The following ARHGAP24 variants were observed in gnomAD, a reference collection of about 807,000 sequenced individuals.
The protein encoded by ARHGAP24 is rho GTPase-activating protein 24.
Under a neutral mutation model 76.4 loss-of-function variants are expected in ARHGAP24, and 50 were observed. The ratio of observed to expected loss-of-function variants is 0.65; its 90% CI spans 0.52 to 0.83. The LOEUF (loss-of-function observed/expected upper bound fraction) is 0.83. ARHGAP24 is among the 40% of genes least tolerant of loss of function. The pLI, the probability that ARHGAP24 is intolerant of heterozygous loss-of-function variation, is 0.00. For missense variants in ARHGAP24, 930 were observed against 914.2 expected (o/e 1.02, Z -0.22); for synonymous variants, 345 against 323.3 (o/e 1.07, Z -0.72).
intron 1 of ARHGAP24, among the ~76,000 whole-genome samples, chr4:85,507,499 A>G (rs1724110413): frequency 6.6e-6 from 1 of 152,218 alleles, no homozygotes; most frequent in African/African-American, 2.4e-5. Flanking sequence ...GTATTTGTGA[A>G]TGTCATCAGT....
chr4:85,762,583 A>G (rs547638213), intron 3 of ARHGAP24, among the ~76,000 whole-genome samples: 34 of 152,292 alleles, frequency 2.2e-4, no homozygotes, highest in African/African-American at 7.7e-4. Flanking sequence ...ATGTGTGAGA[A>G]AGATAGCTCT....
At chr4:85,856,222 G>T (rs188627576) in intron 3 of ARHGAP24, among the ~76,000 whole-genome samples, 35 of 151,770 alleles carry the variant, frequency 2.3e-4, no homozygotes, top group African/African-American at 1.9e-4. Context: ...ATGATCTTGG[G>T]TATCTATTTA....
intron 1 of ARHGAP24, among the ~76,000 whole-genome samples, chr4:85,549,557 CTTTGCAAATAT>C (rs1360278799): frequency 6.6e-6 from 1 of 152,036 alleles, no homozygotes; most frequent in African/African-American, 2.4e-5. Context: ...CAGATATATG[CTTTGCAAATAT>C]TTTCTGACAG....
chr4:85,929,438 G>C (rs186679653), intron 4 of ARHGAP24, among the ~76,000 whole-genome samples: 1 of 152,280 alleles, frequency 6.6e-6, no homozygotes, highest in African/African-American at 2.4e-5. Context: ...GTCAGTTGGG[G>C]TTAAGGCACT....
chr4:85,492,298 G>A (rs772833502), intron 1 of ARHGAP24, among the ~76,000 whole-genome samples: 3 of 151,990 alleles, frequency 2.0e-5, no homozygotes, highest in Non-Finnish European at 2.9e-5. Context: ...TATCCTGGTC[G>A]ATATCTTCGT....
chr4:85,633,977 C>T (rs774025418), intron 2 of ARHGAP24, among the ~76,000 whole-genome samples: 3 of 151,766 alleles, frequency 2.0e-5, no homozygotes, highest in African/African-American at 4.8e-5. Flanking sequence ...AGGAACACTC[C>T]CCCTTCAGAA....
chr4:85,554,971 C>T (rs1726299338), intron 1 of ARHGAP24, among the ~76,000 whole-genome samples: 1 of 143,022 alleles, frequency 7.0e-6, no homozygotes, highest in Non-Finnish European at 1.5e-5. Flanking sequence ...TGAGCCACCG[C>T]ACCCAGCCAG....
At chr4:85,759,621 G>T (rs138882329) in intron 3 of ARHGAP24, among the ~76,000 whole-genome samples, 2 of 152,138 alleles carry the variant, frequency 1.3e-5, no homozygotes, top group African/African-American at 2.4e-5. Flanking sequence ...TAGTTTCTCT[G>T]TCTATAGGAC....
intron 2 of ARHGAP24, among the ~76,000 whole-genome samples, chr4:85,610,604 A>G (rs1720350834): frequency 1.3e-5 from 2 of 152,122 alleles, no homozygotes; most frequent in South Asian, 4.1e-4. Context: ...CTATATCAGA[A>G]ATTATCTCAA....
chr4:85,481,256 A>C (rs1722805103), intron 1 of ARHGAP24, among the ~76,000 whole-genome samples: 1 of 152,218 alleles, frequency 6.6e-6, no homozygotes, highest in South Asian at 2.1e-4. Context: ...AGAGGTAAAT[A>C]AAGTTACCCA....
intron 3 of ARHGAP24, among the ~76,000 whole-genome samples, chr4:85,745,910 G>T (rs1007715220): frequency 2.6e-5 from 4 of 152,126 alleles, no homozygotes; most frequent in African/African-American, 9.7e-5. Flanking sequence ...TAGGTACTAT[G>T]ATTCCAAAAC....
At position 85,994,904 on chromosome 4, in the gene ARHGAP24, C is replaced by T. The variant is rs756950646; in HGVS notation, c.1250C>T (p.Pro417Leu). 8.6e-5 allele frequency: 139 copies of T among 1,613,970 alleles called. No homozygotes were observed. Among genetic ancestry groups the T allele is most frequent in the Non-Finnish European group, 6.9e-5 (81 of 1,180,014 alleles). Residue 417 changes from proline (P) to leucine (L), a missense_variant, in exon 9 of 10, where the codon CCT (proline) becomes CTT (leucine). Pro to Leu is a moderately conservative substitution (Grantham distance 98, BLOSUM62 -3). Transcript: ENST00000395184. ...VHKLDVSRSP[P>L]LMVKKNPAFN... ...AAGCTAGATGTGTCTAGAAGCCCCC[C>T]TCTCATGGTCAAAAAGAACCCAGCC... is the stretch of plus-strand genomic sequence containing the variant.
chr4:85,853,877 C>T (rs1414676168), intron 3 of ARHGAP24, among the ~76,000 whole-genome samples: 2 of 151,918 alleles, frequency 1.3e-5, no homozygotes, highest in Non-Finnish European at 2.9e-5. Flanking sequence ...TCACTTGAAC[C>T]TGGGAGGTGG....
intron 1 of ARHGAP24, among the ~76,000 whole-genome samples, chr4:85,527,640 C>T (rs1263013543): frequency 6.6e-6 from 1 of 152,080 alleles, no homozygotes; most frequent in Non-Finnish European, 1.5e-5. Flanking sequence ...CCTTAGTTCT[C>T]TTCCTCTATG....
At chr4:85,984,387 C>T (rs1739861546) in intron 8 of ARHGAP24, among the ~76,000 whole-genome samples, 1 of 152,128 alleles carries the variant, frequency 6.6e-6, no homozygotes, top group Admixed American at 6.6e-5. Flanking sequence ...TGGTGAGGAC[C>T]CATTTCCTGG....
intron 3 of ARHGAP24, chr4:85,827,969 G>T: frequency 7.8e-7 from 1 of 1,289,776 alleles, no homozygotes; most frequent in Non-Finnish European, 1.0e-6. Flanking sequence ...GTGTATGTTT[G>T]TGCAAGGTGA....
intron 1 of ARHGAP24, among the ~76,000 whole-genome samples, chr4:85,542,108 T>A (rs1043782598): frequency 1.3e-5 from 2 of 152,168 alleles, no homozygotes; most frequent in Admixed American, 1.3e-4. Context: ...CATGCGTCAG[T>A]CACCAGTGGC....
chr4:85,997,799 A>G (rs886498977), intron 9 of ARHGAP24, among the ~76,000 whole-genome samples: 9 of 151,194 alleles, frequency 6.0e-5, no homozygotes, highest in Admixed American at 5.9e-4. Context: ...TGGATTACAG[A>G]TGCATGCCAT....
chr4:85,823,215 A>G (rs540217094), intron 3 of ARHGAP24, among the ~76,000 whole-genome samples: 76 of 152,332 alleles, frequency 5.0e-4, no homozygotes, highest in African/African-American at 1.8e-3. Flanking sequence ...CCTAGAGATA[A>G]AAACTATTAA....
Sources: gnomAD v4.1 joint callset for allele counts (sites outside exome capture counted in the v4.1 genomes callset) on GRCh38, gnomAD v4.1.1 for gene constraint, MANE v1.5 for transcripts, NCBI Gene and HGNC (gene_info 2026-07-23, HGNC 2026-07-21) for gene names.